MOB3A: variants seen among roughly 807,000 people sequenced by gnomAD.
The protein encoded by MOB3A is MOB LAK.
MOB3A carries 17 observed loss-of-function variants against 17.8 expected under a neutral mutation model. The observed-to-expected ratio is 0.95, with a 90% CI of 0.65 to 1.43. The LOEUF (loss-of-function observed/expected upper bound fraction) is 1.43. Ranked by LOEUF, MOB3A falls within the 40% of genes most tolerant of loss-of-function variation. The pLI is 0.00. For missense variants in MOB3A, 333 were observed against 310.8 expected (o/e 1.07, Z -0.54); for synonymous variants, 124 against 133.2 (o/e 0.93, Z 0.48).
At chr19:2,094,943 G>A (rs2017656104) in intron 1 of MOB3A, among the ~76,000 whole-genome samples, 1 of 152,256 alleles carries the variant, frequency 6.6e-6, no homozygotes, top group Admixed American at 6.5e-5. Flanking sequence ...GGCCGAGGCG[G>A]GCGGATCACC....
In MOB3A at chr19:2,072,194, A is replaced by G. The variant is rs1007387165; in HGVS notation, c.*1201T>C. 3.3e-5 allele frequency: 5 copies of G among 152,124 alleles called. No individual in the cohort carries two copies. The highest frequency in any genetic ancestry group is 5.9e-5 in the Non-Finnish European group (4 of 68,056). The allele number at this position is 152,124 out of a possible 1,614,324, so 9.4% of individuals were successfully genotyped here. A position where few individuals can be genotyped will look rare whatever the true frequency, so the allele number is the denominator to read the frequency against. ...AGTAGCTCATGCCTGTAATCCCAGC[A>G]CTTTTGGAGGCCAAGGTAGGCGGAT... On this transcript the variant is annotated 3_prime_UTR_variant, in exon 5 of 5. Coordinates refer to ENST00000357066, the MANE Select transcript of MOB3A (RefSeq NM_130807.3).
intron 1 of MOB3A, among the ~76,000 whole-genome samples, chr19:2,085,968 A>C (rs2017548959): frequency 6.6e-6 from 1 of 150,464 alleles, no homozygotes; most frequent in Middle Eastern, 3.5e-3. Flanking sequence ...TGTCTCAAAA[A>C]AAAAAAAAAA....
chr19:2,080,747 TG>T (rs1481101598), intron 2 of MOB3A, among the ~76,000 whole-genome samples: 2 of 152,148 alleles, frequency 1.3e-5, no homozygotes, highest in Non-Finnish European at 2.9e-5. Context: ...GGCGAGTGTT[TG>T]GGGCTGCCAT....
At chr19:2,090,674 T>G (rs1479945308) in intron 1 of MOB3A, among the ~76,000 whole-genome samples, 1 of 152,176 alleles carries the variant, frequency 6.6e-6, no homozygotes, top group Admixed American at 6.5e-5. Flanking sequence ...TACGTTATTT[T>G]TTTTTTTAAG....
intron 1 of MOB3A, among the ~76,000 whole-genome samples, chr19:2,094,726 CA>C (rs1019175933): frequency 1.3e-5 from 2 of 152,226 alleles, no homozygotes; most frequent in African/African-American, 2.4e-5. Context: ...AGGCAACTCC[CA>C]AAGCAGAAAG....
chr19:2,081,569 C>G lies in MOB3A; in HGVS notation c.-119-2890G>C, dbSNP rs373443241. Among the ~76,000 whole-genome samples, 26 of 144,342 alleles carry G rather than the reference C, an allele frequency of 1.8e-4. 1 individual carries two copies. In the East Asian group the frequency reaches 3.0e-3, roughly 16 times the overall value. 94.7% of individuals were successfully genotyped at this position (144,342 alleles called of 152,430 possible). A position where few individuals can be genotyped will look rare whatever the true frequency, so the allele number is the denominator to read the frequency against. ...CACCATTGCACTCCAGCCTGGGCGACAGAGCGAGATTCTGCTTCAAAACAA... is the reference window on the plus strand; with the variant it reads ...CACCATTGCACTCCAGCCTGGGCGAGAGAGCGAGATTCTGCTTCAAAACAA... On this transcript the variant is annotated intron_variant, in intron 2 of 4. Coordinates refer to ENST00000357066, the MANE Select transcript of MOB3A (RefSeq NM_130807.3).
chr19:2,085,963 CAAAAA>C (rs1036097194), intron 1 of MOB3A, among the ~76,000 whole-genome samples: 1 of 33,394 alleles, frequency 3.0e-5, no homozygotes. Context: ...GACTCTGTCT[CAAAAA>C]AAAAAAAAAA....
chr19:2,094,429 C>T (rs2017647025), intron 1 of MOB3A, among the ~76,000 whole-genome samples: 1 of 152,182 alleles, frequency 6.6e-6, no homozygotes, highest in African/African-American at 2.4e-5. Context: ...AAAGCAAGAC[C>T]AGGCCTGGAA....
chr19:2,076,952 G>C lies in MOB3A; in HGVS notation c.483C>G (p.Arg161=), dbSNP rs775819086. 1 of 1,613,884 alleles carries C rather than the reference G, an allele frequency of 6.2e-7. No individual in the cohort carries two copies. Among genetic ancestry groups the C allele is most frequent in the African/African-American group, 1.3e-5 (1 of 75,050 alleles). The change falls in exon 4 of 5, where the codon CGC becomes CGG. Residue 161 remains arginine, a synonymous_variant. Transcript: ENST00000357066. ...GGTGGATGTAGACGTGCACGAACAC[G>C]CGGAACAGCCGCGACAGGATCTTCC... ...TVRKILSRLF[R]VFVHVYIHHF...
At chr19:2,077,752 G>A (rs544582928) in intron 3 of MOB3A, among the ~76,000 whole-genome samples, 1 of 152,158 alleles carries the variant, frequency 6.6e-6, no homozygotes, top group East Asian at 1.9e-4. Flanking sequence ...GCTACTAAGA[G>A]CAGCCCAACT....
Position 2,085,260 on chromosome 19 carries a change from T to G in MOB3A, c.-205A>C, listed in dbSNP as rs533430919. 14 of 152,080 alleles carry G rather than the reference T, an allele frequency of 9.2e-5. No homozygotes were observed. The highest frequency in any genetic ancestry group is 1.9e-4 in the Non-Finnish European group (13 of 68,008). 9.4% of individuals were successfully genotyped at this position (152,080 alleles called of 1,614,324 possible). On this transcript the variant is annotated 5_prime_UTR_variant, in exon 2 of 5. Transcript: ENST00000357066. Reference sequence around the variant, plus strand: ...CAAGGCAGGAATCAGCTCTCAGAATTCCACACCAAGGCCTTCTGGGCTCCC... The same window carrying G: ...CAAGGCAGGAATCAGCTCTCAGAATGCCACACCAAGGCCTTCTGGGCTCCC...
intron 1 of MOB3A, among the ~76,000 whole-genome samples, chr19:2,095,961 C>T (rs897981044): frequency 6.6e-6 from 1 of 152,110 alleles, no homozygotes; most frequent in Non-Finnish European, 1.5e-5. Context: ...CCAGACTGGT[C>T]TCGAACTCCC....
At chr19:2,089,845 C>G (rs1200441473) in intron 1 of MOB3A, among the ~76,000 whole-genome samples, 1 of 151,856 alleles carries the variant, frequency 6.6e-6, no homozygotes, top group Non-Finnish European at 1.5e-5. Flanking sequence ...GTGAGTTTGT[C>G]CTGGGCACTG....
chr19:2,076,912 C>A lies in MOB3A; in HGVS notation c.523G>T (p.Ala175Ser), dbSNP rs142102227. 1.2e-6 allele frequency: 2 copies of A among 1,613,908 alleles called. No individual in the cohort carries two copies. The highest frequency in any genetic ancestry group is 1.7e-5 in the Admixed American group (1 of 59,982). ...HVYIHHFDRI[A>S]QMGSEAHVNT... is the part of the protein sequence containing the mutation. ...ACGTGGGCCTCGGAGCCCATCTGCG[C>A]GATGCGGTCAAAGTGGTGGATGTAG... Residue 175 changes from alanine (A) to serine (S), a missense_variant, in exon 4 of 5, where the codon GCG (alanine) becomes TCG (serine). By Grantham distance (99) the Ala-to-Ser change is moderately conservative. Coordinates refer to ENST00000357066, the MANE Select transcript of MOB3A (RefSeq NM_130807.3).
chr19:2,074,330 C>T (rs2017376647), intron 4 of MOB3A, among the ~76,000 whole-genome samples: 6 of 151,916 alleles, frequency 3.9e-5, no homozygotes, highest in Admixed American at 3.3e-4. Flanking sequence ...GTTTGCTGAT[C>T]CCTGTCTTAT....
At chr19:2,074,042 A>C (rs2017373376) in intron 4 of MOB3A, among the ~76,000 whole-genome samples, 1 of 151,880 alleles carries the variant, frequency 6.6e-6, no homozygotes, top group Non-Finnish European at 1.5e-5. Flanking sequence ...AAAAAGAAAA[A>C]AACAACTTTG....
rs759813107 is a variant in MOB3A, at chr19:2,089,111, C to T, written c.-273-3783G>A. Among the ~76,000 whole-genome samples, 3 of 152,168 alleles carry T rather than the reference C, an allele frequency of 2.0e-5. No homozygotes were observed. In the South Asian group the frequency reaches 6.2e-4, roughly 32 times the overall value. On this transcript the variant is annotated intron_variant, in intron 1 of 4. Transcript: ENST00000357066. ...TGAGGCTGGCAGGGCAGGCTGAAAG[C>T]GAATGCTCTCATTCCTGCTAAGTGA...
intron 1 of MOB3A, among the ~76,000 whole-genome samples, chr19:2,088,641 T>A: frequency 6.6e-6 from 1 of 152,228 alleles, no homozygotes; most frequent in Non-Finnish European, 1.5e-5. Flanking sequence ...TAATTTTTTT[T>A]GTATTTTTAG....
rs1032418868 is a variant in MOB3A at position 2,076,141 on chromosome 19, A to G, written c.624+670T>C. ...CCATCTCCAAAAAAAAAAAAAAAAA[A>G]AAAAAGGCCAGGCACAGTGGCTCCC... On this transcript the variant is annotated intron_variant, in intron 4 of 4. Coordinates refer to ENST00000357066, the MANE Select transcript of MOB3A (RefSeq NM_130807.3). Among the ~76,000 whole-genome samples, 20 of 147,726 alleles carry G rather than the reference A, an allele frequency of 1.4e-4. 2 individuals are homozygous for G. In the Admixed American group the frequency reaches 1.4e-3, roughly 10 times the overall value.
Sources: allele counts gnomAD v4.1 joint callset (sites outside exome capture counted in the v4.1 genomes callset), GRCh38; gene constraint gnomAD v4.1.1; transcripts MANE v1.5; gene names NCBI Gene and HGNC (gene_info 2026-07-23, HGNC 2026-07-21).